The following VAV2 variants were observed in gnomAD, a reference collection of about 807,000 sequenced individuals.
VAV2 encodes the protein guanine nucleotide exchange factor VAV2.
In VAV2, 67 loss-of-function variants were observed where a neutral mutation model predicts 132.5. The ratio of observed to expected loss-of-function variants is 0.51; its 90% CI spans 0.42 to 0.62. The LOEUF is 0.62. Among genes scored for constraint, VAV2 ranks in the 20% least tolerant of loss-of-function variants. VAV2 has a pLI of 0.00. For missense variants in VAV2, 938 were observed against 1,153.6 expected, an observed-to-expected ratio of 0.81 and a Z score of 2.71; for synonymous variants, 492 against 443.5, an observed-to-expected ratio of 1.11 and a Z score of -1.37.
chr9:133,964,022 C>CATATGTACATATATATATATATAT (rs1217468550), intron 1 of VAV2, among the ~76,000 whole-genome samples: 3 of 93,858 alleles, frequency 3.2e-5, no homozygotes, highest in Non-Finnish European at 6.2e-5. Context: ...ATTATTCATT[C>CATATGTACATATATATATATATAT]ATATATATAT....
chr9:133,786,017 T>C, intron 16 of VAV2, 132 bp from the exon 17 acceptor site: 1 of 788,918 alleles, frequency 1.3e-6, no homozygotes. Context: ...CCTGTGCCTG[T>C]GTGAACACAT....
intron 2 of VAV2, among the ~76,000 whole-genome samples, chr9:133,898,284 C>A (rs886115819): frequency 2.0e-5 from 3 of 152,074 alleles, no homozygotes; most frequent in East Asian, 3.8e-4. Flanking sequence ...AACGCCAGAC[C>A]CTCAACAGAA....
intron 13 of VAV2, among the ~76,000 whole-genome samples, chr9:133,791,405 C>T (rs1351231474): frequency 1.3e-5 from 2 of 152,220 alleles, no homozygotes; most frequent in East Asian, 1.9e-4. Flanking sequence ...CAGGGGTCCA[C>T]GAACCAGGGG....
At chr9:133,950,014 A>T (rs1841502727) in intron 1 of VAV2, among the ~76,000 whole-genome samples, 2 of 152,202 alleles carry the variant, frequency 1.3e-5, no homozygotes. Context: ...CGTGAAGTCC[A>T]GGAACCCCAG....
At chr9:133,989,412 C>T (rs1332132453) in intron 1 of VAV2, among the ~76,000 whole-genome samples, 1 of 148,250 alleles carries the variant, frequency 6.7e-6, no homozygotes, top group Non-Finnish European at 1.5e-5. Flanking sequence ...CCCAGCTACT[C>T]GGGAGGATGA....
At position 133,992,193 on chromosome 9, in the gene VAV2, A is replaced by G. The variant is rs769205991; in HGVS notation, c.86T>C (p.Val29Ala). 1 of 1,598,480 alleles carries G rather than the reference A, an allele frequency of 6.3e-7. No individual in the cohort carries two copies. The highest frequency in any genetic ancestry group is 1.1e-5 in the South Asian group (1 of 89,512). The change falls in exon 1 of 30, where the codon GTG becomes GCG. Residue 29 changes from valine to alanine, a missense_variant. Coordinates refer to ENST00000371850, the MANE Select transcript of VAV2 (RefSeq NM_001134398.2). This position sits in a 1 kb window ranked among gnomAD's most constrained non-coding sequence, Gnocchi z 5.5. ...CAGCGCCTGCGCCAGGTCGAAGACC[A>G]CGGCCGAGGGCCACACCACCCGGTG... ...PNHRVVWPSAVVFDLAQALRD... is the reference protein window; with the variant it reads ...PNHRVVWPSAAVFDLAQALRD...
At chr9:133,817,771 G>T (rs1482653595) in intron 4 of VAV2, among the ~76,000 whole-genome samples, 3 of 152,120 alleles carry the variant, frequency 2.0e-5, no homozygotes, top group Non-Finnish European at 4.4e-5. Flanking sequence ...ATTTCCATTT[G>T]CCACTTTTCA....
At chr9:133,868,426 G>T (rs113386525) in intron 2 of VAV2, among the ~76,000 whole-genome samples, 304 of 152,330 alleles carry the variant, frequency 2.0e-3, no homozygotes, top group African/African-American at 7.0e-3. Flanking sequence ...GAGGCTCCCT[G>T]AGGCTCGGTT....
intron 1 of VAV2, among the ~76,000 whole-genome samples, chr9:133,970,912 C>T (rs965561253): frequency 6.6e-6 from 1 of 152,236 alleles, no homozygotes; most frequent in Non-Finnish European, 1.5e-5. Flanking sequence ...TAAATTACCA[C>T]AAAATACACC....
At chr9:133,978,994 G>A (rs980963818) in intron 1 of VAV2, among the ~76,000 whole-genome samples, 3 of 152,196 alleles carry the variant, frequency 2.0e-5, no homozygotes, top group Non-Finnish European at 4.4e-5. Flanking sequence ...CTGGGTTTAG[G>A]GTCTCCTCCA....
At chr9:133,806,042 G>C in intron 9 of VAV2, 39 bp downstream of exon 9, 1 of 1,584,416 alleles carries the variant, frequency 6.3e-7, no homozygotes, top group Non-Finnish European at 8.6e-7. Flanking sequence ...CCGCAGACAG[G>C]GAGGGGCCAA....
chr9:133,901,729 T>C (rs1588340960), intron 2 of VAV2, among the ~76,000 whole-genome samples: 1 of 152,184 alleles, frequency 6.6e-6, no homozygotes, highest in Non-Finnish European at 1.5e-5. Context: ...GGGTATTTAT[T>C]TCCCCCACTG....
At chr9:133,846,373 C>T (rs1010466626) in intron 3 of VAV2, among the ~76,000 whole-genome samples, 2 of 152,244 alleles carry the variant, frequency 1.3e-5, no homozygotes, top group African/African-American at 4.8e-5. Context: ...CGACCCACAA[C>T]CCTCCGCCAC....
intron 1 of VAV2, among the ~76,000 whole-genome samples, chr9:133,957,725 T>A (rs2132209764): frequency 6.6e-6 from 1 of 152,284 alleles, no homozygotes; most frequent in East Asian, 1.9e-4. Context: ...CAAGTGACTG[T>A]CACAACCCGA....
At position 133,992,322 on chromosome 9, in the gene VAV2, AG is replaced by A; in HGVS notation, c.-45del. 2.4e-6 allele frequency: 3 copies of A among 1,257,220 alleles called. No individual in the cohort carries two copies. Among genetic ancestry groups the A allele is most frequent in the Non-Finnish European group, 3.0e-6 (3 of 996,184 alleles). The allele number at this position is 1,257,220 out of a possible 1,614,324, so 77.9% of individuals were successfully genotyped here. Reference sequence around the variant, plus strand: ...CGGCTCAGGGCAGTGCTCGAGCCAAAGTGCAGCGGCCGCGGGGCATCCCGCC... The same window carrying A: ...CGGCTCAGGGCAGTGCTCGAGCCAAATGCAGCGGCCGCGGGGCATCCCGCC... On this transcript the variant is annotated 5_prime_UTR_variant, in exon 1 of 30. Coordinates refer to ENST00000371850, the MANE Select transcript of VAV2 (RefSeq NM_001134398.2). The surrounding 1 kb of genome is among the most constrained non-coding windows in gnomAD (Gnocchi z 5.5).
chr9:133,782,896 G>A (rs1321411294), intron 19 of VAV2, among the ~76,000 whole-genome samples: 1 of 152,112 alleles, frequency 6.6e-6, no homozygotes, highest in Non-Finnish European at 1.5e-5. Flanking sequence ...CCAAAGGTAT[G>A]CCCCCGACCC....
At position 133,926,291 on chromosome 9, in the gene VAV2, A is replaced by C. The variant is rs981146337; in HGVS notation, c.321+12812T>G. 1.3e-4 allele frequency: 20 copies of C among 152,662 alleles called. No individual in the cohort carries two copies. The highest frequency in any genetic ancestry group is 4.3e-4 in the African/African-American group (18 of 41,548). The allele number at this position is 152,662 out of a possible 1,614,324, so 9.5% of individuals were successfully genotyped here. ...TCCTGAAGCGTGGGCTGCTGCCACC[A>C]CTGCCACCCAGAGGCCCCTCTTCCC... is the stretch of plus-strand genomic sequence containing the variant. On this transcript the variant is annotated intron_variant, in intron 2 of 29. Transcript: ENST00000371850. The surrounding 1 kb of genome is among the most constrained non-coding windows in gnomAD (Gnocchi z 4.3).
intron 2 of VAV2, among the ~76,000 whole-genome samples, chr9:133,865,257 T>C (rs905740305): frequency 6.6e-6 from 1 of 152,252 alleles, no homozygotes; most frequent in East Asian, 1.9e-4. Flanking sequence ...GCGGATTCAC[T>C]GTAGGACAAT....
In VAV2 at chr9:133,788,929, C is replaced by T. The variant is rs2131613371; in HGVS notation, c.1274+329G>A. 6.6e-6 allele frequency among the ~76,000 whole-genome samples: 1 copy of T among 152,326 alleles called. No individual in the cohort carries two copies. Among genetic ancestry groups the T allele is most frequent in the East Asian group, 1.9e-4 (1 of 5,178 alleles). The stretch of plus-strand genomic sequence containing the variant: ...CACCGTGCGCCTGGACACTCTCCGG[C>T]AGTCATTTGGCAAAGAGCCCATCCG... On this transcript the variant is annotated intron_variant, in intron 14 of 29. Coordinates refer to ENST00000371850, the MANE Select transcript of VAV2 (RefSeq NM_001134398.2). The surrounding 1 kb of genome is among the most constrained non-coding windows in gnomAD (Gnocchi z 5.3).
Sources: allele counts gnomAD v4.1 joint callset (sites outside exome capture counted in the v4.1 genomes callset), GRCh38; gene constraint gnomAD v4.1.1; non-coding constraint Gnocchi (gnomAD v3.1); transcripts MANE v1.5; gene names NCBI Gene and HGNC (gene_info 2026-07-23, HGNC 2026-07-21).